PPP1R37: variants seen among roughly 807,000 people sequenced by gnomAD.
PPP1R37 encodes the protein leucine rich repeat containing 68.
A neutral mutation model predicts 61.0 loss-of-function variants in PPP1R37; 21 were observed. That is an observed-to-expected ratio of 0.34 (90% confidence interval 0.24 to 0.50). The LOEUF is 0.50. Ranked by LOEUF, PPP1R37 falls within the 20% of genes least tolerant of loss-of-function variation. PPP1R37 has a pLI of 0.98. For missense variants in PPP1R37, 910 were observed against 952.7 expected, an observed-to-expected ratio of 0.96 and a Z score of 0.59; for synonymous variants, 443 against 433.5, an observed-to-expected ratio of 1.02 and a Z score of -0.27.
At chr19:45,124,809 A>G (rs1041695019) in intron 1 of PPP1R37, among the ~76,000 whole-genome samples, 49 of 140,832 alleles carry the variant, frequency 3.5e-4, no homozygotes, top group African/African-American at 1.5e-3. Flanking sequence ...TAAAAAAAGA[A>G]AAAAAAAAAA....
At chr19:45,120,875 C>T (rs1329495934) in intron 1 of PPP1R37, among the ~76,000 whole-genome samples, 1 of 152,192 alleles carries the variant, frequency 6.6e-6, no homozygotes, top group Non-Finnish European at 1.5e-5. Flanking sequence ...CAGCCTTGGC[C>T]TCTCAAAGTG....
intron 1 of PPP1R37, chr19:45,128,834 C>A (rs556523329): frequency 3.2e-6 from 2 of 619,842 alleles, no homozygotes; most frequent in East Asian, 3.6e-5. Context: ...GGAATGACTC[C>A]CAGTTGATTG....
chr19:45,143,370 G>T (rs780427593), intron 7 of PPP1R37, 151 bp from the exon 8 acceptor site: 7 of 572,566 alleles, frequency 1.2e-5, no homozygotes, highest in Non-Finnish European at 1.9e-5. Flanking sequence ...GTGCCCAGGG[G>T]TGCCAGGCCG....
Position 45,142,430 on chromosome 19 carries a change from C to T in PPP1R37, c.846C>T (p.Asp282=), listed in dbSNP as rs1487353466. Residue 282 remains aspartate, a synonymous_variant, in exon 7 of 13, where the codon GAC becomes GAT. Transcript: ENST00000221462. ...TCAACTGCTCCCTGCAGATCCTGGA[C>T]CTCCGGAACAACCACGTGCTAGACT... The part of the protein sequence containing the change: ...LKFNCSLQIL[D]LRNNHVLDSG... 6.5e-7 allele frequency: 1 copy of T among 1,536,004 alleles called. No individual in the cohort carries two copies. Among genetic ancestry groups the T allele is most frequent in the African/African-American group, 1.4e-5 (1 of 73,048 alleles).
Position 45,093,301 on chromosome 19 carries a change from C to G in PPP1R37, c.-25C>G, listed in dbSNP as rs559512658. Reference sequence around the variant, plus strand: ...CGGGGCCCGGGGCATGTCCCCGGGGCCCCCGTGAGGAGGCGGCGGCGGCTA... The same window carrying G: ...CGGGGCCCGGGGCATGTCCCCGGGGGCCCCGTGAGGAGGCGGCGGCGGCTA... On this transcript the variant is annotated 5_prime_UTR_variant, in exon 1 of 13. Coordinates refer to ENST00000221462, the MANE Select transcript of PPP1R37 (RefSeq NM_019121.2). 1.4e-5 allele frequency: 20 copies of G among 1,384,130 alleles called. No homozygotes were observed. In the East Asian group the frequency reaches 5.6e-4, roughly 39 times the overall value. The allele number at this position is 1,384,130 out of a possible 1,614,324, so 85.7% of individuals were successfully genotyped here.
chr19:45,105,012 A>T (rs977905366), intron 1 of PPP1R37, among the ~76,000 whole-genome samples: 9 of 152,172 alleles, frequency 5.9e-5, no homozygotes, highest in Admixed American at 5.9e-4. Context: ...CTTGCCCTGG[A>T]CTGGAAGCAT....
chr19:45,124,186 C>G (rs1027192580), intron 1 of PPP1R37, among the ~76,000 whole-genome samples: 7 of 152,176 alleles, frequency 4.6e-5, no homozygotes, highest in African/African-American at 1.4e-4. Context: ...AGGGTGGGGC[C>G]TGACCTACCG....
rs1968457757 is a variant in PPP1R37, at chr19:45,130,153, T to C, written c.203-8361T>C. Among the ~76,000 whole-genome samples, 1 of 152,054 alleles carries C rather than the reference T, an allele frequency of 6.6e-6. No homozygotes were observed. Among genetic ancestry groups the C allele is most frequent in the Non-Finnish European group, 1.5e-5 (1 of 67,986 alleles). ...GCTGGAGCACTAGCGGGGGCTCAGCTGCCAAAACCCAGGGACAGGTGAGGC... is the reference window on the plus strand; with the variant it reads ...GCTGGAGCACTAGCGGGGGCTCAGCCGCCAAAACCCAGGGACAGGTGAGGC... On this transcript the variant is annotated intron_variant, in intron 1 of 12. Transcript: ENST00000221462. This position sits in a 1 kb window ranked among gnomAD's most constrained non-coding sequence, Gnocchi z 4.4.
chr19:45,108,023 C>T (rs1018357634), intron 1 of PPP1R37, among the ~76,000 whole-genome samples: 5 of 152,106 alleles, frequency 3.3e-5, no homozygotes, highest in Non-Finnish European at 4.4e-5. Context: ...CACGGGTAGC[C>T]TTCTTAGAAA....
At chr19:45,131,092 C>CA (rs35629129) in intron 1 of PPP1R37, among the ~76,000 whole-genome samples, 38,024 of 152,118 alleles carry the variant, frequency 0.25, 5,503 homozygotes, top group Non-Finnish European at 0.33. Context: ...CACCTGTGTG[C>CA]AAATGCCAGA....
intron 1 of PPP1R37, among the ~76,000 whole-genome samples, chr19:45,127,985 A>G (rs1048409838): frequency 3.5e-4 from 53 of 152,148 alleles, no homozygotes; most frequent in African/African-American, 1.2e-3. Flanking sequence ...AAAAAAAAAA[A>G]AAAAAAAAGA....
At chr19:45,101,015 G>T (rs552998794) in intron 1 of PPP1R37, among the ~76,000 whole-genome samples, 1 of 152,368 alleles carries the variant, frequency 6.6e-6, no homozygotes, top group South Asian at 2.1e-4. Flanking sequence ...AGCATGGTGT[G>T]GCCGTGCCAC....
In PPP1R37 at chr19:45,138,560, C is replaced by G; in HGVS notation, c.249C>G (p.Ala83=). ...VDEVIGAYKQ[A]CQKLNCRQIP... is the part of the protein sequence containing the mutation. ...AGGTCATCGGCGCCTACAAGCAGGCCTGCCAGAAGCTGAACTGCAGGCAGA... is the reference window on the plus strand; with the variant it reads ...AGGTCATCGGCGCCTACAAGCAGGCGTGCCAGAAGCTGAACTGCAGGCAGA... Residue 83 remains alanine (A), a synonymous_variant, in exon 2 of 13, where the codon GCC becomes GCG. Transcript: ENST00000221462. 5.9e-6 allele frequency: 9 copies of G among 1,534,818 alleles called. No homozygotes were observed. Among genetic ancestry groups the G allele is most frequent in the Non-Finnish European group, 7.0e-6 (8 of 1,146,280 alleles).
intron 1 of PPP1R37, among the ~76,000 whole-genome samples, chr19:45,099,037 A>G (rs1012344565): frequency 2.6e-5 from 4 of 152,164 alleles, no homozygotes; most frequent in African/African-American, 9.7e-5. Context: ...GGATTAAGTG[A>G]GATAACACAG....
chr19:45,145,235 T>C lies in PPP1R37; in HGVS notation c.1271T>C (p.Leu424Pro), dbSNP rs1311643580. Residue 424 changes from leucine (L) to proline (P), a missense_variant, in exon 10 of 13, where the codon CTC becomes CCC. Physicochemically the swap from Leu to Pro is moderately conservative, Grantham distance 98. Around this residue, in one of 3 missense-constraint regions of PPP1R37, gnomAD observed 549 missense variants for 505.1 expected, o/e 1.09. Transcript: ENST00000221462. The stretch of plus-strand genomic sequence containing the variant: ...AACCACTCACTGCTGCGCCTGGACC[T>C]CGACCGTGAACCCAAGAAAGAGGCG... ...KVNHSLLRLD[L>P]DREPKKEAVK... 6.5e-7 allele frequency: 1 copy of C among 1,533,834 alleles called. No homozygotes were observed. Among genetic ancestry groups the C allele is most frequent in the Non-Finnish European group, 8.7e-7 (1 of 1,145,858 alleles).
intron 8 of PPP1R37, chr19:45,143,925 C>T (rs1004250643): frequency 3.3e-5 from 7 of 211,500 alleles, no homozygotes; most frequent in Non-Finnish European, 5.6e-5. Context: ...CTCCAGCCCC[C>T]GCCTCCTGGG....
chr19:45,117,792 C>T (rs114718563), intron 1 of PPP1R37, among the ~76,000 whole-genome samples: 5 of 152,296 alleles, frequency 3.3e-5, no homozygotes, highest in African/African-American at 9.6e-5. Flanking sequence ...AGAATGAGGC[C>T]GCAGAGTTAG....
chr19:45,120,264 A>G lies in PPP1R37; in HGVS notation c.203-18250A>G, dbSNP rs375779227. On this transcript the variant is annotated intron_variant, in intron 1 of 12. Coordinates refer to ENST00000221462, the MANE Select transcript of PPP1R37 (RefSeq NM_019121.2). ...GATCTCCTGACCTTGTGATCCGCCC[A>G]CCTTAGCCTCCCAAAGTGCTGGGAT... 7.9e-5 allele frequency among the ~76,000 whole-genome samples: 12 copies of G among 151,966 alleles called. No individual in the cohort carries two copies. In the East Asian group the frequency reaches 1.2e-3, roughly 15 times the overall value.
rs1254388701 is a variant in PPP1R37, at chr19:45,104,066, C to T, written c.202+10539C>T. Among the ~76,000 whole-genome samples, 6 of 152,252 alleles carry T rather than the reference C, an allele frequency of 3.9e-5. No individual in the cohort carries two copies. In the South Asian group the frequency reaches 6.2e-4, roughly 16 times the overall value. On this transcript the variant is annotated intron_variant, in intron 1 of 12. Transcript: ENST00000221462. ...GCCCTTCCTGACCAATTCCCGTTAC[C>T]CCTCCCACGCCTAGACGCAGGCGCC...
Sources: allele counts gnomAD v4.1 joint callset (sites outside exome capture counted in the v4.1 genomes callset), GRCh38; gene constraint gnomAD v4.1.1; regional missense constraint gnomAD v4.1.1; non-coding constraint Gnocchi (gnomAD v3.1); transcripts MANE v1.5; gene names NCBI Gene and HGNC (gene_info 2026-07-23, HGNC 2026-07-21).